COL6A1: variants seen among roughly 807,000 people sequenced by gnomAD.
The protein encoded by COL6A1 is collagen type VI alpha 1 chain, also known as collagen alpha-1(VI) chain.
COL6A1 carries 80 observed loss-of-function variants against 145.6 expected under a neutral mutation model. The observed-to-expected ratio is 0.55, with a 90% CI of 0.46 to 0.66. The LOEUF (loss-of-function observed/expected upper bound fraction) is 0.66. Ranked by LOEUF, COL6A1 falls within the 30% of genes least tolerant of loss-of-function variation. COL6A1 has a pLI of 0.00. For synonymous variants in COL6A1, 638 were observed against 622.8 expected (o/e 1.02, Z -0.36); for missense variants, 1,364 against 1,473.8 (o/e 0.93, Z 1.22).
rs775236570 is a variant in COL6A1 at position 46,004,041 on chromosome 21, T to C, written c.*28T>C. 1 of 1,612,632 alleles carries C rather than the reference T, an allele frequency of 6.2e-7. No individual in the cohort carries two copies. Among genetic ancestry groups the C allele is most frequent in the East Asian group, 2.2e-5 (1 of 44,858 alleles). ...CACCCTGCACGCCGGCACCAAACCCTGTCCTCCCACCCCTCCCCACTCATC... is the reference window on the plus strand; with the variant it reads ...CACCCTGCACGCCGGCACCAAACCCCGTCCTCCCACCCCTCCCCACTCATC... On this transcript the variant is annotated 3_prime_UTR_variant, in exon 35 of 35. Transcript: ENST00000361866.
intron 27 of COL6A1, 80 bp downstream of exon 27, chr21:45,999,772 G>A: frequency 3.6e-6 from 4 of 1,121,680 alleles, no homozygotes; most frequent in Admixed American, 2.1e-5. Context: ...GTCCATGGGT[G>A]CTCCTGTAGA....
intron 30 of COL6A1, 97 bp downstream of exon 30, chr21:46,001,483 C>T (rs1569519063): frequency 1.0e-5 from 15 of 1,486,936 alleles, no homozygotes; most frequent in East Asian, 4.5e-5. Flanking sequence ...CCGAGGCCAC[C>T]GCTGCATCCC....
At chr21:45,997,510 G>T in intron 21 of COL6A1, 27 bp downstream of exon 21, 1 of 1,463,366 alleles carries the variant, frequency 6.8e-7, no homozygotes, top group Non-Finnish European at 9.2e-7. Context: ...ACCCACACCC[G>T]CCCACCCAGG....
chr21:45,989,783 G>A lies in COL6A1; in HGVS notation c.930+5G>A, dbSNP rs773991327. The A allele has an allele frequency of 2.5e-6, 4 of 1,612,898 alleles. No individual in the cohort carries two copies. The highest frequency in any genetic ancestry group is 2.7e-5 in the African/African-American group (2 of 75,040). ...AAAGGGAGCCGTGGGGAGAAGGTGAGTGAGGCTCGACCTCGGAGCTGGTCT... is the reference window on the plus strand; with the variant it reads ...AAAGGGAGCCGTGGGGAGAAGGTGAATGAGGCTCGACCTCGGAGCTGGTCT... On this transcript the variant is annotated splice_donor_5th_base_variant and intron_variant, in intron 11 of 34. Transcript: ENST00000361866.
At position 45,984,437 on chromosome 21, in the gene COL6A1, T is replaced by C. The variant is rs763071395; in HGVS notation, c.396T>C (p.Ala132=). Residue 132 remains alanine (A), a synonymous_variant, in exon 3 of 35, where the codon GCT becomes GCC. Coordinates refer to ENST00000361866, the MANE Select transcript of COL6A1 (RefSeq NM_001848.3). ...YFGKGTYTDC[A]IKKGLEQLLV... ...GGAAGGGCACCTACACCGACTGCGC[T>C]ATCAAGAAGGGGCTGGAGCAGCTCC... is the stretch of plus-strand genomic sequence containing the variant. 3 of 1,611,950 alleles carry C rather than the reference T, an allele frequency of 1.9e-6. No individual in the cohort carries two copies. In the South Asian group the frequency reaches 3.3e-5, roughly 18 times the overall value.
At chr21:45,983,395 A>AGG (rs60415667) in intron 2 of COL6A1, among the ~76,000 whole-genome samples, 3 of 129,426 alleles carry the variant, frequency 2.3e-5, no homozygotes, top group African/African-American at 8.5e-5. Flanking sequence ...AGGGCCGCTG[A>AGG]GGGGGGGGCA....
intron 3 of COL6A1, among the ~76,000 whole-genome samples, chr21:45,985,067 CAG>C (rs771948818): frequency 6.8e-5 from 10 of 147,192 alleles, no homozygotes; most frequent in African/African-American, 1.8e-4. Context: ...CAGAGACAGA[CAG>C]AGACAGAGAC....
At position 46,000,780 on chromosome 21, in the gene COL6A1, C is replaced by T. The variant is rs749224383; in HGVS notation, c.1822+13C>T. The T allele has an allele frequency of 1.2e-6, 2 of 1,613,878 alleles. No individual in the cohort carries two copies. Among genetic ancestry groups the T allele is most frequent in the Non-Finnish European group, 1.7e-6 (2 of 1,179,882 alleles). On this transcript the variant is annotated intron_variant, in intron 29 of 34. Transcript: ENST00000361866. ...TCAGCTTGCTGTGGTGAGACCCAGG[C>T]TCTAGCTCCTGAGAGAATGGATCCC... is the stretch of plus-strand genomic sequence containing the variant.
At chr21:45,989,874 G>A in intron 11 of COL6A1, 96 bp downstream of exon 11, 1 of 1,508,292 alleles carries the variant, frequency 6.6e-7, no homozygotes, top group Non-Finnish European at 9.2e-7. Context: ...GTCCCTGACA[G>A]GAGACCACGT....
intron 3 of COL6A1, 107 bp downstream of exon 3, chr21:45,984,576 T>G: frequency 9.2e-7 from 1 of 1,085,176 alleles, no homozygotes. Context: ...AGCCTCCCTG[T>G]TCTCTTGGAG....
At chr21:45,996,903 C>G (rs1224224547) in intron 20 of COL6A1, among the ~76,000 whole-genome samples, 1 of 152,172 alleles carries the variant, frequency 6.6e-6, no homozygotes, top group Non-Finnish European at 1.5e-5. Context: ...GGTGTCCAGG[C>G]TCAGCCCACA....
chr21:45,986,517 C>T lies in COL6A1; in HGVS notation c.429-9C>T. The T allele has an allele frequency of 1.9e-6, 3 of 1,555,304 alleles. No individual in the cohort carries two copies. The highest frequency in any genetic ancestry group is 1.4e-5 in the African/African-American group (1 of 73,374). ...GTCTCGAGGTCTCACGCTGCCCTCT[C>T]CTGTCCAGGGGCTCCCACCTGAAGG... On this transcript the variant is annotated splice_polypyrimidine_tract_variant and intron_variant, in intron 3 of 34. Coordinates refer to ENST00000361866, the MANE Select transcript of COL6A1 (RefSeq NM_001848.3).
chr21:46,003,029 C>T, intron 33 of COL6A1, 91 bp from the exon 34 acceptor site: 1 of 1,586,446 alleles, frequency 6.3e-7, no homozygotes, highest in Non-Finnish European at 8.6e-7. Context: ...CACGGCCACC[C>T]CTGTGCTCGG....
intron 3 of COL6A1, among the ~76,000 whole-genome samples, chr21:45,984,681 G>GAGAGACAGAGACAGAGAGAGAT: frequency 6.6e-6 from 1 of 151,920 alleles, no homozygotes; most frequent in Non-Finnish European, 1.5e-5. Context: ...CAGACACAGA[G>GAGAGACAGAGACAGAGAGAGAT]AGAGACAGAG....
rs1424356446 is a variant in COL6A1 at position 45,997,867 on chromosome 21, C to G, written c.1524+105C>G. 7 of 1,290,616 alleles carry G rather than the reference C, an allele frequency of 5.4e-6. No individual in the cohort carries two copies. In the East Asian group the frequency reaches 1.8e-4, roughly 33 times the overall value. The allele number at this position is 1,290,616 out of a possible 1,614,324, so 79.9% of individuals were successfully genotyped here. On this transcript the variant is annotated intron_variant, in intron 22 of 34. Transcript: ENST00000361866. ...AGCTGCCTGGGGTCCCTGACCGGGCCGGGAGTGCCCGCAGCATCACTGGCT... is the reference window on the plus strand; with the variant it reads ...AGCTGCCTGGGGTCCCTGACCGGGCGGGGAGTGCCCGCAGCATCACTGGCT...
chr21:46,003,143 T>G lies in COL6A1; in HGVS notation c.2458T>G (p.Cys820Gly). 1 of 1,614,036 alleles carries G rather than the reference T, an allele frequency of 6.2e-7. No homozygotes were observed. Among genetic ancestry groups the G allele is most frequent in the South Asian group, 1.1e-5 (1 of 91,084 alleles). Reference sequence around the variant, plus strand: ...AGACAAGAAGTGTCCAGATTACACCTGCCCCAGTGAGTACCTCGGCGGCCG... The same window carrying G: ...AGACAAGAAGTGTCCAGATTACACCGGCCCCAGTGAGTACCTCGGCGGCCG... ...CIDKKCPDYT[C>G]PITFSSPADI... Residue 820 changes from cysteine to glycine, a missense_variant, in exon 34 of 35, where the codon TGC (cysteine) becomes GGC (glycine). This residue lies in a region of COL6A1 where 938 missense variants were observed against 1,003.8 expected (regional missense o/e 0.93). Transcript: ENST00000361866.
chr21:45,999,158 C>G lies in COL6A1; in HGVS notation c.1680C>G (p.Asn560Lys). ...ACAACGCTGTTCCCTTCTAGAACAA[C>G]GACATTGCACCCCGAGGAGTCAAAG... The part of the protein sequence containing the change: ...GEAGDPGDDN[N>K]DIAPRGVKGA... The change falls in exon 26 of 35, where the codon AAC becomes AAG. Residue 560 changes from asparagine (N) to lysine (K), a missense_variant. Asn to Lys is a moderately conservative substitution (Grantham distance 94). Coordinates refer to ENST00000361866, the MANE Select transcript of COL6A1 (RefSeq NM_001848.3). 6.3e-7 allele frequency: 1 copy of G among 1,599,836 alleles called. No individual in the cohort carries two copies. The highest frequency in any genetic ancestry group is 8.5e-7 in the Non-Finnish European group (1 of 1,174,114).
At chr21:45,990,579 GGGT>G in intron 13 of COL6A1, among the ~76,000 whole-genome samples, 157 bp downstream of exon 13, 1 of 150,478 alleles carries the variant, frequency 6.6e-6, no homozygotes, top group Non-Finnish European at 1.5e-5. Context: ...GGGAGGGATG[GGGT>G]GAGGTGATCC....
In COL6A1 at chr21:45,984,291, C is replaced by T; in HGVS notation, c.250C>T (p.Leu84=). Residue 84 remains leucine, a synonymous_variant, in exon 3 of 35, where the codon CTG becomes TTG. Transcript: ENST00000361866. The part of the protein sequence containing the change: ...RDRYYRCDRN[L]VWNAGALHYS... Reference sequence around the variant, plus strand: ...CAGGTACTACCGCTGTGACCGAAACCTGGTGTGGAACGCAGGCGCGCTGCA... The same window carrying T: ...CAGGTACTACCGCTGTGACCGAAACTTGGTGTGGAACGCAGGCGCGCTGCA... The T allele has an allele frequency of 6.2e-7, 1 of 1,610,226 alleles. No individual in the cohort carries two copies. Among genetic ancestry groups the T allele is most frequent in the Non-Finnish European group, 8.5e-7 (1 of 1,178,844 alleles).
Sources: allele counts gnomAD v4.1 joint callset (sites outside exome capture counted in the v4.1 genomes callset), GRCh38; gene constraint gnomAD v4.1.1; regional missense constraint gnomAD v4.1.1; transcripts MANE v1.5; gene names NCBI Gene and HGNC (gene_info 2026-07-23, HGNC 2026-07-21).